PRORP: variants seen among roughly 807,000 people sequenced by gnomAD.
PRORP encodes mitochondrial ribonuclease P catalytic subunit.
A neutral mutation model predicts 59.4 loss-of-function variants in PRORP; 51 were observed. The ratio of observed to expected loss-of-function variants is 0.86; its 90% CI spans 0.69 to 1.08. PRORP has a LOEUF of 1.08. Among genes scored for constraint, PRORP ranks in the 50% least tolerant of loss-of-function variants. The pLI is 0.00. For missense variants in PRORP, 646 were observed against 690.3 expected (o/e 0.94, Z 0.72); for synonymous variants, 231 against 245.6 (o/e 0.94, Z 0.55).
intron 5 of PRORP, among the ~76,000 whole-genome samples, chr14:35,244,533 A>C (rs2050438395): frequency 6.6e-6 from 1 of 152,118 alleles, no homozygotes; most frequent in East Asian, 1.9e-4. Flanking sequence ...ACTGAGCCTG[A>C]ATGATTGGGT....
At chr14:35,251,805 C>T (rs1233549404) in intron 5 of PRORP, among the ~76,000 whole-genome samples, 1 of 152,124 alleles carries the variant, frequency 6.6e-6, no homozygotes, top group East Asian at 1.9e-4. Flanking sequence ...CCACCCACCT[C>T]GGCCTCCCAA....
At chr14:35,149,530 A>G (rs961750508) in intron 4 of PRORP, among the ~76,000 whole-genome samples, 1 of 152,020 alleles carries the variant, frequency 6.6e-6, no homozygotes, top group African/African-American at 2.4e-5. Flanking sequence ...TTTTTATGTT[A>G]TGGGGATTGC....
intron 4 of PRORP, among the ~76,000 whole-genome samples, chr14:35,160,804 T>C (rs1055856047): frequency 3.9e-5 from 6 of 152,342 alleles, no homozygotes; most frequent in African/African-American, 1.2e-4. Context: ...CATATGCACA[T>C]TGTAAAGCAT....
chr14:35,180,522 G>A, intron 4 of PRORP, 148 bp from the exon 5 acceptor site: 1 of 566,140 alleles, frequency 1.8e-6, no homozygotes, highest in Admixed American at 3.2e-5. Context: ...CATTTGTAGA[G>A]TATCTGTGTG....
intron 4 of PRORP, 90 bp downstream of exon 4, chr14:35,127,701 A>G (rs991627273): frequency 1.5e-6 from 2 of 1,373,122 alleles, no homozygotes; most frequent in African/African-American, 2.9e-5. Flanking sequence ...TAAATATTTT[A>G]GGCTTTGTAG....
intron 5 of PRORP, among the ~76,000 whole-genome samples, chr14:35,207,955 G>C (rs569954284): frequency 1.9e-4 from 29 of 152,248 alleles, no homozygotes; most frequent in African/African-American, 7.0e-4. Context: ...TTCAAGACCA[G>C]CCTGGCCAAT....
intron 5 of PRORP, among the ~76,000 whole-genome samples, chr14:35,188,117 C>G (rs1471274677): frequency 4.0e-5 from 6 of 151,084 alleles, no homozygotes; most frequent in Non-Finnish European, 7.4e-5. Context: ...TGGGCATGAG[C>G]TACCGTGCCT....
At chr14:35,152,787 C>T (rs1001654371) in intron 4 of PRORP, among the ~76,000 whole-genome samples, 3 of 151,950 alleles carry the variant, frequency 2.0e-5, no homozygotes, top group Non-Finnish European at 4.4e-5. Context: ...CCTCACATCC[C>T]AGACGGGGAG....
rs150623924 is a variant in PRORP, at chr14:35,266,757, C to A, written c.1306C>A (p.Arg436=). The A allele has an allele frequency of 1.4e-5, 23 of 1,613,938 alleles. No homozygotes were observed. In the African/African-American group the frequency reaches 2.1e-4, roughly 15 times the overall value. The part of the protein sequence containing the change: ...LLNVVSQLAK[R]NLRLLVLGRK... ...GAATGTCGTCTCTCAACTAGCCAAA[C>A]GGAATCTGCGACTGCTGGTCCTAGG... The change falls in exon 6 of 8, where the codon CGG becomes AGG. Residue 436 remains arginine, a synonymous_variant. Coordinates refer to ENST00000534898, the MANE Select transcript of PRORP (RefSeq NM_014672.4).
At position 35,273,483 on chromosome 14, in the gene PRORP, C is replaced by T. The variant is rs1333937245; in HGVS notation, c.1669C>T (p.His557Tyr). Residue 557 changes from histidine (H) to tyrosine (Y), a missense_variant, in exon 8 of 8, where the codon CAC becomes TAC. Coordinates refer to ENST00000534898, the MANE Select transcript of PRORP (RefSeq NM_014672.4). ...TVVQTTGDSW[H>Y]IPYDEDLVER... ...GGTGCAAACAACTGGAGACTCGTGG[C>T]ACATACCATATGATGAAGACTTGGT... 2 of 1,613,566 alleles carry T rather than the reference C, an allele frequency of 1.2e-6. No homozygotes were observed. The highest frequency in any genetic ancestry group is 1.7e-5 in the Admixed American group (1 of 59,950).
intron 4 of PRORP, among the ~76,000 whole-genome samples, chr14:35,148,241 C>G (rs927232194): frequency 3.3e-5 from 5 of 152,164 alleles, no homozygotes; most frequent in African/African-American, 7.2e-5. Flanking sequence ...TATAGCCTTA[C>G]AAAACATGTT....
chr14:35,184,828 T>C (rs2048703912), intron 5 of PRORP, among the ~76,000 whole-genome samples: 1 of 152,216 alleles, frequency 6.6e-6, no homozygotes, highest in Non-Finnish European at 1.5e-5. Context: ...TCCATCTCCA[T>C]CCATGTTCCT....
chr14:35,238,117 C>T (rs2050267376), intron 5 of PRORP, among the ~76,000 whole-genome samples: 4 of 151,640 alleles, frequency 2.6e-5, no homozygotes, highest in African/African-American at 9.7e-5. Flanking sequence ...GGGCACTGTG[C>T]TTAAACAATC....
chr14:35,183,426 A>T (rs2048668451), intron 5 of PRORP, among the ~76,000 whole-genome samples: 1 of 152,152 alleles, frequency 6.6e-6, no homozygotes, highest in South Asian at 2.1e-4. Flanking sequence ...TTCTTGATAA[A>T]TATTTTAAAA....
At chr14:35,211,068 T>G (rs2049431134) in intron 5 of PRORP, among the ~76,000 whole-genome samples, 1 of 152,098 alleles carries the variant, frequency 6.6e-6, no homozygotes, top group South Asian at 2.1e-4. Flanking sequence ...CCACCACGCC[T>G]GGTCAAAACA....
chr14:35,253,434 A>AAC (rs772064348), intron 5 of PRORP, among the ~76,000 whole-genome samples: 93 of 148,776 alleles, frequency 6.3e-4, no homozygotes, highest in East Asian at 4.6e-3. Flanking sequence ...AGAAAAAAGA[A>AAC]ACACACACAC....
chr14:35,226,628 A>G (rs757683982), intron 5 of PRORP, among the ~76,000 whole-genome samples: 2 of 152,214 alleles, frequency 1.3e-5, no homozygotes, highest in South Asian at 2.1e-4. Context: ...ACTTTGTTCT[A>G]TTACCAAACT....
At chr14:35,169,407 C>T (rs1006249931) in intron 4 of PRORP, among the ~76,000 whole-genome samples, 4 of 152,046 alleles carry the variant, frequency 2.6e-5, no homozygotes, top group Non-Finnish European at 5.9e-5. Flanking sequence ...TTAGTCTATT[C>T]TCACACTGCT....
intron 6 of PRORP, among the ~76,000 whole-genome samples, chr14:35,267,829 A>T (rs8004236): frequency 4.6e-5 from 7 of 151,930 alleles, no homozygotes; most frequent in African/African-American, 7.3e-5. Context: ...TAAGCTTGGC[A>T]TGTGTTTGAG....
Sources: gnomAD v4.1 joint callset for allele counts (sites outside exome capture counted in the v4.1 genomes callset) on GRCh38, gnomAD v4.1.1 for gene constraint, MANE v1.5 for transcripts, NCBI Gene and HGNC (gene_info 2026-07-23, HGNC 2026-07-21) for gene names.